Variants in LMNTD1 observed in about 807,000 individuals in gnomAD.
LMNTD1 encodes the protein lamin tail domain containing 1.
LMNTD1 carries 35 observed loss-of-function variants against 50.9 expected under a neutral mutation model. The ratio of observed to expected loss-of-function variants is 0.69; its 90% CI spans 0.53 to 0.91. LMNTD1 has a LOEUF of 0.91. LMNTD1 is among the 40% of genes least tolerant of loss of function. LMNTD1 has a pLI of 0.00. For synonymous variants in LMNTD1, 153 were observed against 161.9 expected, an observed-to-expected ratio of 0.94 and a Z score of 0.42; for missense variants, 470 against 475.5, an observed-to-expected ratio of 0.99 and a Z score of 0.11.
chr12:25,523,435 T>C (rs1170913860), intron 6 of LMNTD1, among the ~76,000 whole-genome samples: 2 of 152,220 alleles, frequency 1.3e-5, no homozygotes, highest in Non-Finnish European at 2.9e-5. Flanking sequence ...CTGATCTGTA[T>C]AGCTGGCTAT....
At chr12:25,607,268 C>G (rs1946133477) in intron 1 of LMNTD1, among the ~76,000 whole-genome samples, 2 of 152,106 alleles carry the variant, frequency 1.3e-5, no homozygotes, top group South Asian at 2.1e-4. Context: ...CTTTGTTGAT[C>G]TTTTCAAAAA....
At chr12:25,609,773 T>C (rs1160962784) in intron 1 of LMNTD1, among the ~76,000 whole-genome samples, 1 of 152,124 alleles carries the variant, frequency 6.6e-6, no homozygotes, top group Non-Finnish European at 1.5e-5. Context: ...CTGGGAGGTG[T>C]CTCCAAGTTA....
At chr12:25,641,477 T>C (rs1946958600) in intron 1 of LMNTD1, among the ~76,000 whole-genome samples, 1 of 152,194 alleles carries the variant, frequency 6.6e-6, no homozygotes. Flanking sequence ...GGTAAGTATT[T>C]AAGCCTTTGT....
intron 1 of LMNTD1, among the ~76,000 whole-genome samples, chr12:25,622,016 G>A (rs929050095): frequency 6.6e-6 from 1 of 152,174 alleles, no homozygotes; most frequent in East Asian, 1.9e-4. Flanking sequence ...AGTAGCAATG[G>A]GGATAATGAG....
At chr12:25,501,417 A>C (rs773305052) in intron 9 of LMNTD1, among the ~76,000 whole-genome samples, 3 of 152,186 alleles carry the variant, frequency 2.0e-5, no homozygotes, top group Non-Finnish European at 4.4e-5. Flanking sequence ...TCCTTTTGTG[A>C]ATGAAAATGT....
intron 8 of LMNTD1, among the ~76,000 whole-genome samples, chr12:25,508,014 T>C (rs902959161): frequency 1.4e-5 from 2 of 146,864 alleles, no homozygotes; most frequent in African/African-American, 2.5e-5. Context: ...CATCAACGTG[T>C]TTTTTTTTTT....
intron 9 of LMNTD1, among the ~76,000 whole-genome samples, chr12:25,490,490 G>C (rs986465256): frequency 6.6e-6 from 1 of 152,094 alleles, no homozygotes; most frequent in African/African-American, 2.4e-5. Flanking sequence ...AAAGTTAGAA[G>C]TGAAGCCCTT....
At chr12:25,499,744 A>C (rs564333052) in intron 9 of LMNTD1, 11 of 152,048 alleles carry the variant, frequency 7.2e-5, no homozygotes, top group South Asian at 2.1e-4. Context: ...TAGAAAAAAA[A>C]AAAAACAAAA....
At chr12:25,609,642 C>T (rs1946198919) in intron 1 of LMNTD1, among the ~76,000 whole-genome samples, 1 of 152,190 alleles carries the variant, frequency 6.6e-6, no homozygotes, top group Non-Finnish European at 1.5e-5. Flanking sequence ...GCCTGGGTAT[C>T]ACCAGCGGAG....
rs532808027 is a variant in LMNTD1, at chr12:25,587,707, C to T, written c.59-41153G>A. On this transcript the variant is annotated intron_variant, in intron 1 of 7. Transcript: ENST00000445693. ...AGAGGGCATCCAACTATATCAACTA[C>T]GAATCCATTGAAGAAGAAATCACTA... 6.6e-5 allele frequency among the ~76,000 whole-genome samples: 10 copies of T among 152,334 alleles called. No individual in the cohort carries two copies. In the South Asian group the frequency reaches 8.3e-4, roughly 13 times the overall value.
chr12:25,514,750 TATTATTATGAGA>T (rs1393584702), intron 8 of LMNTD1, among the ~76,000 whole-genome samples: 2 of 152,130 alleles, frequency 1.3e-5, no homozygotes, highest in African/African-American at 2.4e-5. Flanking sequence ...CACATAACTT[TATTATTATGAGA>T]ATTATTATGA....
intron 8 of LMNTD1, among the ~76,000 whole-genome samples, chr12:25,510,136 A>T (rs531594401): frequency 6.6e-6 from 1 of 151,010 alleles, no homozygotes; most frequent in South Asian, 2.1e-4. Context: ...ATTGTTTCCA[A>T]TTTTTTTTTA....
intron 1 of LMNTD1, among the ~76,000 whole-genome samples, chr12:25,626,355 C>T (rs544866250): frequency 6.6e-6 from 1 of 151,856 alleles, no homozygotes; most frequent in Admixed American, 6.6e-5. Flanking sequence ...CACACACACA[C>T]ATATATATAC....
Position 25,518,961 on chromosome 12 carries a change from C to T in LMNTD1, c.1023G>A (p.Lys341=), listed in dbSNP as rs1439004379. 6.2e-7 allele frequency: 1 copy of T among 1,613,994 alleles called. No individual in the cohort carries two copies. Among genetic ancestry groups the T allele is most frequent in the South Asian group, 1.1e-5 (1 of 91,060 alleles). Residue 341 remains lysine, a synonymous_variant, in exon 8 of 10, where the codon AAG becomes AAA. Coordinates refer to ENST00000458174, the MANE Select transcript of LMNTD1 (RefSeq NM_001145728.2). Reference sequence around the variant, plus strand: ...TAGGGAAAACGGTTGGTGGGATTTCCTTCTCTCTGTAAAAGAAAAAAGCCT... The same window carrying T: ...TAGGGAAAACGGTTGGTGGGATTTCTTTCTCTCTGTAAAAGAAAAAAGCCT... ...EQAQVLLKRE[K]EIPPTVFPNR... is the part of the protein sequence containing the mutation.
chr12:25,537,842 G>A (rs1236732594), intron 4 of LMNTD1, among the ~76,000 whole-genome samples: 2 of 150,612 alleles, frequency 1.3e-5, no homozygotes, highest in East Asian at 2.0e-4. Flanking sequence ...TTAGAAGAAT[G>A]TATAACTAGA....
At chr12:25,590,242 C>T (rs764114772) in intron 1 of LMNTD1, among the ~76,000 whole-genome samples, 4 of 152,078 alleles carry the variant, frequency 2.6e-5, no homozygotes, top group Non-Finnish European at 5.9e-5. Context: ...TTTCAGTGTG[C>T]GTGGGAGAAG....
intron 7 of LMNTD1, among the ~76,000 whole-genome samples, chr12:25,519,457 G>C (rs960016631): frequency 2.6e-5 from 4 of 151,658 alleles, no homozygotes; most frequent in Non-Finnish European, 4.4e-5. Flanking sequence ...GCGTGGTGGT[G>C]GGCGCCTGTA....
At chr12:25,636,289 AT>A (rs780601192) in intron 1 of LMNTD1, among the ~76,000 whole-genome samples, 94 of 151,882 alleles carry the variant, frequency 6.2e-4, no homozygotes, top group African/African-American at 1.4e-3. Flanking sequence ...AATCAGTAAG[AT>A]TAAAAAAAAC....
At chr12:25,556,225 G>A (rs982452723), upstream of LMNTD1, among the ~76,000 whole-genome samples, 3 of 152,046 alleles carry the variant, frequency 2.0e-5, no homozygotes, top group African/African-American at 7.2e-5. Flanking sequence ...TGCCTGCCTC[G>A]GCTTCCCAAA....
Sources: gnomAD v4.1 joint callset for allele counts (sites outside exome capture counted in the v4.1 genomes callset) on GRCh38, gnomAD v4.1.1 for gene constraint, MANE v1.5 for transcripts, NCBI Gene and HGNC (gene_info 2026-07-23, HGNC 2026-07-21) for gene names.